PCID2: variants seen among roughly 807,000 people sequenced by gnomAD.
PCID2 encodes PCI domain-containing protein 2.
Under a neutral mutation model 61.3 loss-of-function variants are expected in PCID2, and 41 were observed. That is an observed-to-expected ratio of 0.67 (90% CI 0.52 to 0.87). PCID2 has a LOEUF of 0.87. Among genes scored for constraint, PCID2 ranks in the 40% least tolerant of loss-of-function variants. PCID2 has a pLI of 0.00. For missense variants in PCID2, 392 were observed against 493.4 expected (o/e 0.79, Z 1.95); for synonymous variants, 187 against 177.8 (o/e 1.05, Z -0.41).
downstream of PCID2, among the ~76,000 whole-genome samples, chr13:113,174,655 T>C (rs536108102): frequency 6.6e-6 from 1 of 152,274 alleles, no homozygotes; most frequent in South Asian, 2.1e-4. Context: ...CAGCTAATTT[T>C]TGTATTTTCT....
At chr13:113,197,339 C>A (rs1252951286) in intron 3 of PCID2, 96 bp from the exon 4 acceptor site, 19 of 846,292 alleles carry the variant, frequency 2.2e-5, no homozygotes, top group Non-Finnish European at 3.6e-5. Flanking sequence ...TCCCAGTGGT[C>A]CTGGGATGAA....
At chr13:113,170,634 T>C in the PCID2 span, 62 of 762,566 alleles carry the variant, frequency 8.1e-5, no homozygotes, top group East Asian at 1.2e-3. Flanking sequence ...TAATGCAACA[T>C]AGAACTGAAT....
chr13:113,179,192 A>G lies in PCID2; in HGVS notation c.987-103T>C, dbSNP rs997408798. The G allele has an allele frequency of 3.2e-5, 29 of 893,762 alleles. No homozygotes were observed. Among genetic ancestry groups the G allele is most frequent in the Non-Finnish European group, 4.5e-5 (27 of 599,850 alleles). The allele number at this position is 893,762 out of a possible 1,614,324, so 55.4% of individuals were successfully genotyped here. ...ATAAGCCGGTGTTCTAAAGGAGTAA[A>G]AAAATTCCCACCTATTAGATAAACT... On this transcript the variant is annotated intron_variant, in intron 12 of 13. Coordinates refer to ENST00000337344, the MANE Select transcript of PCID2 (RefSeq NM_001127202.4). This position sits in a 1 kb window ranked among gnomAD's most constrained non-coding sequence, Gnocchi z 4.3.
At chr13:113,194,171 AC>A (rs764596930) in intron 6 of PCID2, among the ~76,000 whole-genome samples, 1 of 151,854 alleles carries the variant, frequency 6.6e-6, no homozygotes, top group East Asian at 1.9e-4. Flanking sequence ...GTCCTGGGCC[AC>A]CCCCAGTCCG....
Position 113,184,436 on chromosome 13 carries a change from T to G in PCID2, c.595A>C (p.Asn199His), listed in dbSNP as rs1161101666. ...GCAGTGCTGTAATCGTCTTTCAGGT[T>G]TGAGCTGTCAATTGCTCTAATTAGG... ...KPLIRAIDSS[N>H]LKDDYSTAQR... Residue 199 changes from asparagine to histidine, a missense_variant, in exon 9 of 14, where the codon AAC (asparagine) becomes CAC (histidine). By Grantham distance (68) the Asn-to-His change is moderately conservative. Transcript: ENST00000337344. 2 of 1,601,944 alleles carry G rather than the reference T, an allele frequency of 1.2e-6. No homozygotes were observed. Among genetic ancestry groups the G allele is most frequent in the Admixed American group, 3.3e-5 (2 of 60,016 alleles).
the PCID2 span, chr13:113,170,504 T>TA: frequency 6.3e-7 from 1 of 1,592,480 alleles, no homozygotes; most frequent in Non-Finnish European, 8.6e-7. Flanking sequence ...TGTTCACTGT[T>TA]ACACAGGAAT....
chr13:113,185,959 G>A (rs137862574), intron 7 of PCID2: 52 of 165,232 alleles, frequency 3.1e-4, no homozygotes, highest in Non-Finnish European at 4.7e-4. Flanking sequence ...GCTGAGGCAG[G>A]AGAATCACTC....
chr13:113,171,853 G>A, the PCID2 span: 3 of 1,613,682 alleles, frequency 1.9e-6, no homozygotes, highest in Non-Finnish European at 2.5e-6. The surrounding 1 kb of genome is among the most constrained non-coding windows in gnomAD (Gnocchi z 5.1). Context: ...TGACCACGCG[G>A]CCTGTCACAC....
chr13:113,168,255 G>A, the PCID2 span, among the ~76,000 whole-genome samples: 3 of 152,216 alleles, frequency 2.0e-5, no homozygotes, highest in African/African-American at 7.2e-5. Context: ...CTTTTCCAGT[G>A]TTCCTTGCTG....
At chr13:113,165,058 T>C in the PCID2 span, 1 of 1,613,526 alleles carries the variant, frequency 6.2e-7, no homozygotes, top group Non-Finnish European at 8.5e-7. Flanking sequence ...TGCAGACCAG[T>C]GTGCCTGCGG....
chr13:113,184,225 A>G (rs1385718183), intron 9 of PCID2, 121 bp downstream of exon 9: 2 of 966,408 alleles, frequency 2.1e-6, no homozygotes, highest in African/African-American at 3.3e-5. Flanking sequence ...ATGTATATAT[A>G]ACTTGGTCCA....
At chr13:113,176,086 C>G (rs1369437205), downstream of PCID2, among the ~76,000 whole-genome samples, 1 of 152,254 alleles carries the variant, frequency 6.6e-6, no homozygotes, top group Non-Finnish European at 1.5e-5. Flanking sequence ...TGCTGAAGCC[C>G]TGGGGCAGCT....
chr13:113,189,629 G>C (rs116993763), intron 7 of PCID2, among the ~76,000 whole-genome samples: 1 of 151,472 alleles, frequency 6.6e-6, no homozygotes, highest in African/African-American at 2.4e-5. Context: ...AGAATCAGAC[G>C]GAAAGTTGAG....
At chr13:113,183,662 CA>C in intron 9 of PCID2, 1 of 584,212 alleles carries the variant, frequency 1.7e-6, no homozygotes, top group Non-Finnish European at 2.2e-6. Flanking sequence ...GTGTGCTCCA[CA>C]AACAGCTGAA....
intron 1 of PCID2, chr13:113,208,088 A>AG (rs759244950): frequency 6.2e-7 from 1 of 1,612,658 alleles, no homozygotes; most frequent in South Asian, 1.1e-5. Flanking sequence ...TTGTGCTCGG[A>AG]GAGTGAAGGG....
chr13:113,171,479 G>T, the PCID2 span: 1 of 1,333,100 alleles, frequency 7.5e-7, no homozygotes, highest in East Asian at 2.4e-5. This position sits in a 1 kb window ranked among gnomAD's most constrained non-coding sequence, Gnocchi z 5.1. Flanking sequence ...GTGAGCCTGC[G>T]GGTCCTCCAG....
chr13:113,171,664 C>T, the PCID2 span: 17 of 1,613,952 alleles, frequency 1.1e-5, no homozygotes, highest in African/African-American at 5.3e-5. This position sits in a 1 kb window ranked among gnomAD's most constrained non-coding sequence, Gnocchi z 5.1. Flanking sequence ...TGCGGTATGA[C>T]GCGGACGCGG....
intron 4 of PCID2, chr13:113,196,878 A>C (rs1036754763): frequency 1.5e-6 from 1 of 675,388 alleles, no homozygotes; most frequent in Non-Finnish European, 2.6e-6. Context: ...GGACTTAACC[A>C]GTCCCTGTAA....
chr13:113,168,491 T>A, the PCID2 span, among the ~76,000 whole-genome samples: 4 of 152,256 alleles, frequency 2.6e-5, no homozygotes, highest in African/African-American at 7.2e-5. Context: ...TGCCTTCCTG[T>A]CTGCCTTGTG....
Sources: gnomAD v4.1 joint callset for allele counts (sites outside exome capture counted in the v4.1 genomes callset) on GRCh38, gnomAD v4.1.1 for gene constraint, Gnocchi (gnomAD v3.1) non-coding constraint, MANE v1.5 for transcripts, NCBI Gene and HGNC (gene_info 2026-07-23, HGNC 2026-07-21) for gene names.